Variants in DHX57 observed in about 807,000 individuals in gnomAD.
DHX57 encodes the protein DExH-box helicase 57.
A neutral mutation model predicts 156.2 loss-of-function variants in DHX57; 105 were observed. The observed-to-expected ratio is 0.67, with a 90% CI of 0.57 to 0.79. DHX57 has a LOEUF of 0.79. Ranked by LOEUF, DHX57 falls within the 30% of genes least tolerant of loss-of-function variation. The pLI is 0.00. For synonymous variants in DHX57, 704 were observed against 595.6 expected (o/e 1.18, Z -2.65); for missense variants, 1,847 against 1,661.9 (o/e 1.11, Z -1.94).
intron 19 of DHX57, among the ~76,000 whole-genome samples, chr2:38,818,126 C>G (rs897508644): frequency 1.3e-5 from 2 of 152,116 alleles, no homozygotes; most frequent in African/African-American, 4.8e-5. Flanking sequence ...CCATGGACCC[C>G]TCTGAAAAGC....
At chr2:38,814,110 G>A (rs1174670962) in intron 20 of DHX57, among the ~76,000 whole-genome samples, 2 of 151,992 alleles carry the variant, frequency 1.3e-5, no homozygotes, top group East Asian at 1.9e-4. Flanking sequence ...GTTAATTTTT[G>A]TATTTTTAGT....
intron 8 of DHX57, 195 bp downstream of exon 8, chr2:38,854,862 A>G (rs1558396368): frequency 3.8e-6 from 2 of 533,104 alleles, no homozygotes; most frequent in Admixed American, 3.2e-5. Flanking sequence ...GCGCCTGGCC[A>G]TAAGAGTTCT....
intron 2 of DHX57, among the ~76,000 whole-genome samples, chr2:38,864,223 A>C (rs1376423038): frequency 3.4e-5 from 5 of 145,872 alleles, no homozygotes; most frequent in African/African-American, 1.3e-4. Context: ...TAAAATACCC[A>C]ATTATCTTTA....
At position 38,828,328 on chromosome 2, in the gene DHX57, C is replaced by T; in HGVS notation, c.2639+12G>A. On this transcript the variant is annotated intron_variant, in intron 14 of 23. Transcript: ENST00000457308. Reference sequence around the variant, plus strand: ...AATGGATGATTAAGAATATAGAAAGCAATTAGCTTACCGATTACTACGTCT... The same window carrying T: ...AATGGATGATTAAGAATATAGAAAGTAATTAGCTTACCGATTACTACGTCT... 6.3e-7 allele frequency: 1 copy of T among 1,599,712 alleles called. No individual in the cohort carries two copies. The highest frequency in any genetic ancestry group is 8.5e-7 in the Non-Finnish European group (1 of 1,169,826).
chr2:38,868,390 T>C lies in DHX57; in HGVS notation c.16A>G (p.Arg6Gly), dbSNP rs765501981. 1.2e-6 allele frequency: 2 copies of C among 1,613,058 alleles called. No homozygotes were observed. The highest frequency in any genetic ancestry group is 1.3e-5 in the African/African-American group (1 of 74,914). Residue 6 changes from arginine (R) to glycine (G), a missense_variant, in exon 2 of 24, where the codon AGA (arginine) becomes GGA (glycine). Coordinates refer to ENST00000457308, the MANE Select transcript of DHX57 (RefSeq NM_198963.3). MSSSV[R>G]RKGKPGKGGG... Reference sequence around the variant, plus strand: ...CCTTTGCCTGGCTTGCCTTTTCTTCTTACTGAAGAACTCATTTTCACCTGC... The same window carrying C: ...CCTTTGCCTGGCTTGCCTTTTCTTCCTACTGAAGAACTCATTTTCACCTGC...
At chr2:38,838,462 C>A (rs1458861128) in intron 12 of DHX57, among the ~76,000 whole-genome samples, 1 of 152,122 alleles carries the variant, frequency 6.6e-6, no homozygotes, top group South Asian at 2.1e-4. Flanking sequence ...AACAATGACC[C>A]AAAAAGCAGG....
Position 38,853,778 on chromosome 2 carries a change from G to A in DHX57, c.2030+276C>T, listed in dbSNP as rs146018901. 4.1e-5 allele frequency: 8 copies of A among 196,082 alleles called. No individual in the cohort carries two copies. The East Asian group carries it at 8.8e-4, about 22-fold the overall frequency. 12.1% of individuals were successfully genotyped at this position (196,082 alleles called of 1,614,324 possible). On this transcript the variant is annotated intron_variant, in intron 9 of 23. Coordinates refer to ENST00000457308, the MANE Select transcript of DHX57 (RefSeq NM_198963.3). Reference sequence around the variant, plus strand: ...GACATCTGTTATTTCTACTAAGTACGGTATTCAACTTAGCATAATGCCCAG... The same window carrying A: ...GACATCTGTTATTTCTACTAAGTACAGTATTCAACTTAGCATAATGCCCAG...
chr2:38,806,470 T>G (rs1210007877), intron 22 of DHX57, 89 bp downstream of exon 22: 1 of 1,450,040 alleles, frequency 6.9e-7, no homozygotes, highest in African/African-American at 1.4e-5. Flanking sequence ...GGACAGCAAG[T>G]GATAGAACAT....
At chr2:38,833,980 T>C (rs1326993437) in intron 13 of DHX57, among the ~76,000 whole-genome samples, 2 of 152,182 alleles carry the variant, frequency 1.3e-5, no homozygotes, top group Non-Finnish European at 2.9e-5. Flanking sequence ...CACATACTTA[T>C]GGACCATACC....
intron 22 of DHX57, among the ~76,000 whole-genome samples, chr2:38,803,876 G>A (rs532231881): frequency 6.6e-6 from 1 of 151,432 alleles, no homozygotes; most frequent in Non-Finnish European, 1.5e-5. Context: ...CTACCTCCTA[G>A]GTTCAAGTGA....
chr2:38,816,818 C>T (rs562996422), intron 19 of DHX57, among the ~76,000 whole-genome samples: 5 of 152,026 alleles, frequency 3.3e-5, no homozygotes, highest in South Asian at 4.2e-4. Flanking sequence ...AAAAACAATC[C>T]TACAATCTAA....
intron 13 of DHX57, among the ~76,000 whole-genome samples, chr2:38,828,784 G>T (rs1305982003): frequency 6.6e-6 from 1 of 151,588 alleles, no homozygotes; most frequent in African/African-American, 2.4e-5. Flanking sequence ...AGTCCCAGAG[G>T]ATTTAAACAA....
intron 21 of DHX57, chr2:38,811,748 C>T: frequency 1.9e-6 from 1 of 523,286 alleles, no homozygotes; most frequent in Non-Finnish European, 3.5e-6. Flanking sequence ...AGGCAGGCAA[C>T]AGAGCAGGGC....
chr2:38,813,406 T>G (rs1197227390), intron 21 of DHX57, among the ~76,000 whole-genome samples: 1 of 151,912 alleles, frequency 6.6e-6, no homozygotes, highest in East Asian at 1.9e-4. Flanking sequence ...AGTCTCCATC[T>G]GTCACCCAGG....
intron 12 of DHX57, among the ~76,000 whole-genome samples, chr2:38,840,288 A>G (rs1362741207): frequency 6.6e-6 from 1 of 152,190 alleles, no homozygotes; most frequent in Non-Finnish European, 1.5e-5. Flanking sequence ...AATTTTTTCA[A>G]AGAAAAACTA....
intron 23 of DHX57, among the ~76,000 whole-genome samples, chr2:38,800,927 A>G (rs1227774268): frequency 1.3e-5 from 2 of 152,168 alleles, no homozygotes; most frequent in Non-Finnish European, 2.9e-5. Flanking sequence ...GATTTTGAAG[A>G]CTTAATATGA....
At chr2:38,811,120 G>C in intron 21 of DHX57, 1 of 547,994 alleles carries the variant, frequency 1.8e-6, no homozygotes, top group Non-Finnish European at 3.4e-6. Flanking sequence ...TGATGTGCAT[G>C]AGGTTCTCGT....
chr2:38,806,331 A>C, intron 22 of DHX57: 1 of 452,038 alleles, frequency 2.2e-6, no homozygotes, highest in Non-Finnish European at 3.8e-6. Flanking sequence ...TTTATATCTG[A>C]AAGCAGGCTT....
chr2:38,873,028 C>G (rs901713578), intron 1 of DHX57, among the ~76,000 whole-genome samples: 1 of 151,876 alleles, frequency 6.6e-6, no homozygotes, highest in Non-Finnish European at 1.5e-5. Context: ...TGCTCTGTCG[C>G]CCAGGCTGGA....
Sources: gnomAD v4.1 joint callset for allele counts (sites outside exome capture counted in the v4.1 genomes callset) on GRCh38, gnomAD v4.1.1 for gene constraint, MANE v1.5 for transcripts, NCBI Gene and HGNC (gene_info 2026-07-23, HGNC 2026-07-21) for gene names.